OSBPL11: variants seen among roughly 807,000 people sequenced by gnomAD.
OSBPL11 encodes oxysterol binding protein like 11, also known as oxysterol-binding protein-related protein 11.
Under a neutral mutation model 84.4 loss-of-function variants are expected in OSBPL11, and 33 were observed. The ratio of observed to expected loss-of-function variants is 0.39; its 90% CI spans 0.30 to 0.52. OSBPL11 has a LOEUF of 0.52. Ranked by LOEUF, OSBPL11 falls within the 20% of genes least tolerant of loss-of-function variation. The pLI, the probability that OSBPL11 is intolerant of heterozygous loss-of-function variation, is 0.72. For missense variants in OSBPL11, 736 were observed against 901.1 expected, an observed-to-expected ratio of 0.82 and a Z score of 2.35; for synonymous variants, 276 against 310.2, an observed-to-expected ratio of 0.89 and a Z score of 1.16.
chr3:125,576,219 T>C lies in OSBPL11; in HGVS notation c.636A>G (p.Leu212=), dbSNP rs1936319760. 6.2e-7 allele frequency: 1 copy of C among 1,609,800 alleles called. No homozygotes were observed. Among genetic ancestry groups the C allele is most frequent in the African/African-American group, 1.3e-5 (1 of 74,526 alleles). The stretch of plus-strand genomic sequence containing the variant: ...TGACTTCCACAAGATGGTCTGGAGG[T>C]AAATTAGTTCTTTTGCTCAGTGATT... ...KLQSLSKRTN[L]PPDHLVEVRE... The change falls in exon 5 of 13, where the codon TTA becomes TTG. Residue 212 remains leucine (L), a synonymous_variant. Transcript: ENST00000296220.
rs949848458 is a variant in OSBPL11 at position 125,595,320 on chromosome 3, G to A, written c.-520C>T. ...GCCAGGGCCGGCGCGCGCAGCCGGGGAGGAGGGTCGGGGAATGAGGCCGCC... is the reference window on the plus strand; with the variant it reads ...GCCAGGGCCGGCGCGCGCAGCCGGGAAGGAGGGTCGGGGAATGAGGCCGCC... On this transcript the variant is annotated 5_prime_UTR_variant, in exon 1 of 13. Transcript: ENST00000296220. Among the ~76,000 whole-genome samples, 2 of 151,978 alleles carry A rather than the reference G, an allele frequency of 1.3e-5. No individual in the cohort carries two copies. The highest frequency in any genetic ancestry group is 2.4e-5 in the African/African-American group (1 of 41,378).
chr3:125,586,622 C>G (rs1936515128), intron 1 of OSBPL11, among the ~76,000 whole-genome samples: 1 of 151,822 alleles, frequency 6.6e-6, no homozygotes, highest in African/African-American at 2.4e-5. Context: ...AAGTGATTCT[C>G]CTGCCTCAGC....
At chr3:125,579,823 A>G (rs778624026) in intron 3 of OSBPL11, 42 bp downstream of exon 3, 79 of 1,587,636 alleles carry the variant, frequency 5.0e-5, no homozygotes, top group Non-Finnish European at 6.6e-5. Flanking sequence ...TTCTCAAAAA[A>G]AGAGGAAAAT....
chr3:125,530,549 CA>C lies in OSBPL11; in HGVS notation c.2209del (p.Trp737GlyfsTer3), dbSNP rs776388784. The C allele has an allele frequency of 1.3e-5, 21 of 1,613,716 alleles. No homozygotes were observed. The Admixed American group carries it at 2.5e-4, about 19-fold the overall frequency. ...GDGWVYHKPL[W>X]KIIPTTQPAE ...TGGTTGTGTTGTTGGAATTATTTTC[CA>C]AAGTGGTTTATGATAAACCCAGCCA... On this transcript the variant is annotated frameshift_variant, in exon 13 of 13. Transcript: ENST00000296220. LOFTEE classifies it high-confidence loss of function.
At chr3:125,586,750 C>T (rs1011224521) in intron 1 of OSBPL11, among the ~76,000 whole-genome samples, 15 of 152,184 alleles carry the variant, frequency 9.9e-5, no homozygotes, top group African/African-American at 2.9e-4. Context: ...CTCCTGACCT[C>T]GTGATCCGCC....
At chr3:125,590,676 T>C (rs1249082166) in intron 1 of OSBPL11, among the ~76,000 whole-genome samples, 1 of 152,212 alleles carries the variant, frequency 6.6e-6, no homozygotes, top group Non-Finnish European at 1.5e-5. Context: ...ATTCATTCTT[T>C]CGTTGTTTTG....
At chr3:125,586,745 G>A (rs1324501393) in intron 1 of OSBPL11, among the ~76,000 whole-genome samples, 1 of 152,078 alleles carries the variant, frequency 6.6e-6, no homozygotes, top group Non-Finnish European at 1.5e-5. Flanking sequence ...TCGAACTCCT[G>A]ACCTCGTGAT....
chr3:125,543,124 A>ATTTT (rs60571172), intron 10 of OSBPL11, among the ~76,000 whole-genome samples: 17 of 99,280 alleles, frequency 1.7e-4, no homozygotes, highest in Non-Finnish European at 2.4e-4. Context: ...GGCTAGTAAG[A>ATTTT]TTTTTTTTTT....
intron 9 of OSBPL11, among the ~76,000 whole-genome samples, chr3:125,547,972 G>A (rs558811033): frequency 6.6e-6 from 1 of 152,220 alleles, no homozygotes; most frequent in East Asian, 1.9e-4. Flanking sequence ...CCGACTCCTG[G>A]GTCGAATGAT....
At chr3:125,560,332 G>T in intron 8 of OSBPL11, 47 bp downstream of exon 8, 1 of 1,349,988 alleles carries the variant, frequency 7.4e-7, no homozygotes, top group Admixed American at 2.7e-5. Flanking sequence ...AACAATTACT[G>T]GTACAGCCCT....
At chr3:125,576,124 T>C (rs530739763) in intron 5 of OSBPL11, 65 bp downstream of exon 5, 12 of 1,458,898 alleles carry the variant, frequency 8.2e-6, no homozygotes, top group South Asian at 4.9e-5. Flanking sequence ...TTAAGTTTTT[T>C]TGTGACAAAA....
At chr3:125,592,167 C>T (rs184936385) in intron 1 of OSBPL11, among the ~76,000 whole-genome samples, 142 of 152,244 alleles carry the variant, frequency 9.3e-4, no homozygotes, top group East Asian at 7.5e-3. Context: ...ATCCTTCCAC[C>T]TCAGCCTCCT....
intron 1 of OSBPL11, among the ~76,000 whole-genome samples, chr3:125,585,536 G>GAA (rs34111464): frequency 1.5e-4 from 13 of 85,106 alleles, no homozygotes; most frequent in African/African-American, 6.4e-4. Context: ...TTAGCTTTCT[G>GAA]AAAAAAAAAA....
intron 5 of OSBPL11, among the ~76,000 whole-genome samples, chr3:125,570,993 C>T (rs77419622): frequency 6.6e-6 from 1 of 152,134 alleles, no homozygotes; most frequent in African/African-American, 2.4e-5. Flanking sequence ...CAGAAGAAGA[C>T]AGGAAAATGT....
At chr3:125,589,206 G>A (rs888854935) in intron 1 of OSBPL11, among the ~76,000 whole-genome samples, 3 of 151,890 alleles carry the variant, frequency 2.0e-5, no homozygotes, top group Non-Finnish European at 4.4e-5. Context: ...AGAATTAGCC[G>A]GGTGGCACCT....
rs903372846 is a variant in OSBPL11, at chr3:125,533,766, T to A, written c.2025-1752A>T. On this transcript the variant is annotated intron_variant, in intron 11 of 12. Transcript: ENST00000296220. ...TAACAGAACTTCTAATAAAATGAAG[T>A]AACAACTTGCAGAACTACAAAGTGA... Among the ~76,000 whole-genome samples the A allele has an allele frequency of 2.0e-5, 3 of 152,280 alleles. No individual in the cohort carries two copies. In the South Asian group the frequency reaches 6.2e-4, roughly 32 times the overall value.
At chr3:125,575,488 A>G (rs1559845639) in intron 5 of OSBPL11, among the ~76,000 whole-genome samples, 2 of 151,286 alleles carry the variant, frequency 1.3e-5, no homozygotes, top group East Asian at 3.9e-4. Context: ...AGCCTCCCAA[A>G]GTGCTGGAAT....
At chr3:125,579,073 A>T in intron 3 of OSBPL11, 34 bp from the exon 4 acceptor site, 1 of 1,424,272 alleles carries the variant, frequency 7.0e-7, no homozygotes, top group Non-Finnish European at 9.7e-7. Flanking sequence ...TTTTATATTT[A>T]TTTATTCTGG....
At chr3:125,563,935 C>T in intron 6 of OSBPL11, 92 bp from the exon 7 acceptor site, 2 of 1,463,160 alleles carry the variant, frequency 1.4e-6, no homozygotes, top group African/African-American at 1.4e-5. Context: ...TTTGAGCCTA[C>T]AAGCCTAAAA....
Sources: gnomAD v4.1 joint callset for allele counts (sites outside exome capture counted in the v4.1 genomes callset) on GRCh38, gnomAD v4.1.1 for gene constraint, MANE v1.5 for transcripts, NCBI Gene and HGNC (gene_info 2026-07-23, HGNC 2026-07-21) for gene names.